AKAP8: variants seen among roughly 807,000 people sequenced by gnomAD.
AKAP8 encodes the protein A-kinase anchor protein 8.
A neutral mutation model predicts 67.5 loss-of-function variants in AKAP8; 24 were observed. The ratio of observed to expected loss-of-function variants is 0.36; its 90% CI spans 0.26 to 0.50. The LOEUF is 0.50. AKAP8 is among the 20% of genes least tolerant of loss of function. AKAP8 has a pLI of 0.97. For synonymous variants in AKAP8, 400 were observed against 371.1 expected, an observed-to-expected ratio of 1.08 and a Z score of -0.90; for missense variants, 971 against 955.9, an observed-to-expected ratio of 1.02 and a Z score of -0.21.
intron 13 of AKAP8, among the ~76,000 whole-genome samples, chr19:15,358,436 C>T (rs1966913601): frequency 1.3e-5 from 2 of 151,762 alleles, no homozygotes; most frequent in African/African-American, 4.8e-5. Flanking sequence ...ACTCCTCTAA[C>T]TCCTGAGCTC....
In AKAP8 at chr19:15,362,269, G is replaced by A. The variant is rs539248627; in HGVS notation, c.1161-18C>T. On this transcript the variant is annotated intron_variant, in intron 9 of 13. Transcript: ENST00000269701. ...ACTGAATTCTGTAGAAGGAAAACAA[G>A]GAGGGGAGTGAAGCAGGGAGCATCA... 4.8e-5 allele frequency: 78 copies of A among 1,613,752 alleles called. No homozygotes were observed. The Middle Eastern group carries it at 5.0e-4, about 10-fold the overall frequency.
chr19:15,360,990 C>T lies in AKAP8; in HGVS notation c.1397-12G>A, dbSNP rs368097069. On this transcript the variant is annotated splice_polypyrimidine_tract_variant and intron_variant, in intron 11 of 13. Transcript: ENST00000269701. ...CTCCTGGCCAATCCCTGCCAGGAAA[C>T]GCATGTCTTGTAGGATCTGGGACAG... The T allele has an allele frequency of 6.3e-4, 1,008 of 1,611,376 alleles. 4 individuals carry two copies. Among genetic ancestry groups the T allele is most frequent in the Non-Finnish European group, 7.8e-4 (925 of 1,179,202 alleles).
intron 13 of AKAP8, among the ~76,000 whole-genome samples, chr19:15,357,708 C>CTTTTT (rs869102920): frequency 2.5e-5 from 3 of 120,990 alleles, no homozygotes; most frequent in Non-Finnish European, 3.5e-5. Flanking sequence ...TTTCCTCCCT[C>CTTTTT]TTTTTTTTTT....
Position 15,366,601 on chromosome 19 carries a change from G to A in AKAP8, c.1160+1634C>T, listed in dbSNP as rs114834011. Among the ~76,000 whole-genome samples, 1,014 of 151,112 alleles carry A rather than the reference G, an allele frequency of 6.7e-3. 16 individuals carry two copies. The highest frequency in any genetic ancestry group is 0.022 in the African/African-American group (899 of 41,094). ...CGCTGGAGTGCAGTAGCACAATCTCGGCTCACTGAGATGGAGTTTTTATTT... is the reference window on the plus strand; with the variant it reads ...CGCTGGAGTGCAGTAGCACAATCTCAGCTCACTGAGATGGAGTTTTTATTT... On this transcript the variant is annotated intron_variant, in intron 9 of 13. Coordinates refer to ENST00000269701, the MANE Select transcript of AKAP8 (RefSeq NM_005858.4).
At chr19:15,366,522 G>A (rs917058938) in intron 9 of AKAP8, among the ~76,000 whole-genome samples, 1 of 151,642 alleles carries the variant, frequency 6.6e-6, no homozygotes, top group African/African-American at 2.4e-5. Context: ...ACATGGAACA[G>A]TGATTTTCTT....
chr19:15,357,708 CTTTTT>C (rs869102920), intron 13 of AKAP8, among the ~76,000 whole-genome samples: 9 of 120,996 alleles, frequency 7.4e-5, no homozygotes, highest in Non-Finnish European at 1.0e-4. Context: ...TTTCCTCCCT[CTTTTT>C]TTTTTTTTTT....
Position 15,368,917 on chromosome 19 carries a change from A to C in AKAP8, c.1073-595T>G, listed in dbSNP as rs78692373. ...CTGCGTGGGAAGCAATCCTAGAAAA[A>C]AATTTGGGAAGAGACCAATTGGTCC... On this transcript the variant is annotated intron_variant, in intron 8 of 13. Transcript: ENST00000269701. The C allele has an allele frequency of 4.9e-3, 4,841 of 985,712 alleles. 16 individuals carry two copies. The highest frequency in any genetic ancestry group is 5.5e-3 in the Non-Finnish European group (4,573 of 830,234). 61.1% of individuals were successfully genotyped at this position (985,712 alleles called of 1,614,324 possible). A position where few individuals can be genotyped will look rare whatever the true frequency, so the allele number is the denominator to read the frequency against.
At chr19:15,368,738 C>T (rs1967108431) in intron 8 of AKAP8, 1 of 985,372 alleles carries the variant, frequency 1.0e-6, no homozygotes, top group Non-Finnish European at 1.2e-6. Context: ...AGTGAAGCAG[C>T]TGCTCCGCCG....
intron 5 of AKAP8, 51 bp from the exon 6 acceptor site, chr19:15,372,398 GC>G (rs781631916): frequency 6.3e-7 from 1 of 1,599,286 alleles, no homozygotes; most frequent in Non-Finnish European, 8.6e-7. Context: ...CCATGAAGAT[GC>G]CCCACAGAAA....
chr19:15,355,561 ATT>A lies in AKAP8; in HGVS notation c.1624-193_1624-192del, dbSNP rs34848051. Among the ~76,000 whole-genome samples the A allele has an allele frequency of 3.6e-3, 533 of 147,332 alleles. 2 individuals are homozygous for A. The highest frequency in any genetic ancestry group is 5.4e-3 in the Non-Finnish European group (359 of 66,648). Reference sequence around the variant, plus strand: ...AAACACCTCGGGGAGATATTCTGCAATTTTTTTTTTTTTTGAGATGGAGTCTC... The same window carrying A: ...AAACACCTCGGGGAGATATTCTGCAATTTTTTTTTTTTGAGATGGAGTCTC... On this transcript the variant is annotated intron_variant, in intron 13 of 13. Transcript: ENST00000269701.
chr19:15,355,404 T>G (rs1419164621), intron 13 of AKAP8, 34 bp from the exon 14 acceptor site: 2 of 1,576,260 alleles, frequency 1.3e-6, no homozygotes, highest in East Asian at 2.2e-5. Flanking sequence ...CAGCGTGGTG[T>G]AAGCAGAGCT....
chr19:15,356,466 G>A (rs113711193), intron 13 of AKAP8, among the ~76,000 whole-genome samples: 4 of 151,298 alleles, frequency 2.6e-5, no homozygotes, highest in Non-Finnish European at 5.9e-5. Context: ...TTAACACTAC[G>A]TAATATTTTA....
At chr19:15,376,827 G>T in intron 2 of AKAP8, 149 bp downstream of exon 2, 1 of 872,720 alleles carries the variant, frequency 1.1e-6, no homozygotes, top group Non-Finnish European at 1.8e-6. Flanking sequence ...AGCCCATAAA[G>T]CCACAAAGAT....
intron 9 of AKAP8, among the ~76,000 whole-genome samples, chr19:15,364,807 T>A (rs1453916332): frequency 6.6e-6 from 1 of 151,622 alleles, no homozygotes; most frequent in African/African-American, 2.4e-5. Context: ...TTTCTCGAGA[T>A]GAGATTTCAC....
Position 15,354,697 on chromosome 19 carries a change from G to C in AKAP8, c.*218C>G, listed in dbSNP as rs2048265446. ...CAAGAGACATGTTACAGCCGCTAAG[G>C]ACAATGTACTTCAGCTTTGAAACCT... On this transcript the variant is annotated 3_prime_UTR_variant, in exon 14 of 14. Transcript: ENST00000269701. 3.4e-6 allele frequency: 2 copies of C among 595,882 alleles called. No individual in the cohort carries two copies. Among genetic ancestry groups the C allele is most frequent in the Non-Finnish European group, 3.0e-6 (1 of 336,618 alleles). The allele number at this position is 595,882 out of a possible 1,614,324, so 36.9% of individuals were successfully genotyped here.
intron 12 of AKAP8, among the ~76,000 whole-genome samples, chr19:15,360,583 C>T (rs1461697932): frequency 6.6e-6 from 1 of 152,200 alleles, no homozygotes; most frequent in Non-Finnish European, 1.5e-5. Flanking sequence ...ATGGAAGCCC[C>T]CAGGCCTTCC....
intron 12 of AKAP8, among the ~76,000 whole-genome samples, chr19:15,359,698 C>T (rs1966934273): frequency 6.6e-6 from 1 of 151,136 alleles, no homozygotes; most frequent in Non-Finnish European, 1.5e-5. Flanking sequence ...TGGAGTGAGA[C>T]TCTGTCTCAA....
At chr19:15,361,550 C>CT (rs1966966100) in intron 11 of AKAP8, 179 bp downstream of exon 11, 1 of 540,256 alleles carries the variant, frequency 1.9e-6, no homozygotes, top group East Asian at 3.4e-5. Context: ...GACGGGGTTT[C>CT]ACCGTGTCAG....
intron 9 of AKAP8, among the ~76,000 whole-genome samples, chr19:15,366,887 G>A (rs755376015): frequency 9.9e-5 from 15 of 151,524 alleles, no homozygotes; most frequent in Admixed American, 5.9e-4. Flanking sequence ...GGGATTACAG[G>A]CGTGAGCCAC....
Sources: allele counts gnomAD v4.1 joint callset (sites outside exome capture counted in the v4.1 genomes callset), GRCh38; gene constraint gnomAD v4.1.1; transcripts MANE v1.5; gene names NCBI Gene and HGNC (gene_info 2026-07-23, HGNC 2026-07-21).